ERC2: variants seen among roughly 807,000 people sequenced by gnomAD.
ERC2 encodes the protein ELKS/RAB6-interacting/CAST family member 2, also known as ERC protein 2.
A neutral mutation model predicts 114.8 loss-of-function variants in ERC2; 42 were observed. The observed-to-expected ratio is 0.37, with a 90% confidence interval of 0.29 to 0.47. ERC2 has a LOEUF of 0.47. ERC2 is among the 20% of genes least tolerant of loss of function. The pLI is 0.99. For synonymous variants in ERC2, 454 were observed against 425.5 expected (o/e 1.07, Z -0.82); for missense variants, 939 against 1,150.7 (o/e 0.82, Z 2.66).
At chr3:55,611,175 G>A (rs1318065272) in intron 17 of ERC2, among the ~76,000 whole-genome samples, 1 of 152,256 alleles carries the variant, frequency 6.6e-6, no homozygotes, top group Non-Finnish European at 1.5e-5. Flanking sequence ...GCTTTCAAAT[G>A]CCAGCAGTAA....
chr3:56,230,768 A>G (rs2050568331), intron 3 of ERC2, among the ~76,000 whole-genome samples: 1 of 152,242 alleles, frequency 6.6e-6, no homozygotes, highest in South Asian at 2.1e-4. Flanking sequence ...AGAGTAGGAG[A>G]AAAAGATAAA....
At chr3:55,938,500 C>T (rs1298528295) in intron 13 of ERC2, among the ~76,000 whole-genome samples, 1 of 152,136 alleles carries the variant, frequency 6.6e-6, no homozygotes, top group Non-Finnish European at 1.5e-5. Flanking sequence ...AGGAAAATAA[C>T]CTTGCAAGAT....
At chr3:56,350,667 T>A (rs771080132) in intron 2 of ERC2, among the ~76,000 whole-genome samples, 1 of 152,016 alleles carries the variant, frequency 6.6e-6, no homozygotes, top group African/African-American at 2.4e-5. Context: ...AAAGAAGGCC[T>A]TCAAGGGACA....
At chr3:56,138,499 T>G (rs2080656525) in intron 6 of ERC2, among the ~76,000 whole-genome samples, 1 of 152,202 alleles carries the variant, frequency 6.6e-6, no homozygotes, top group African/African-American at 2.4e-5. Flanking sequence ...CTAAGACCTA[T>G]CCAATCCAGA....
intron 2 of ERC2, among the ~76,000 whole-genome samples, chr3:56,391,499 G>C (rs1308907333): frequency 6.6e-6 from 1 of 152,148 alleles, no homozygotes; most frequent in Admixed American, 6.5e-5. Context: ...AAATGGTTAA[G>C]GGGTTAAGGA....
chr3:55,914,275 C>G (rs527622282), intron 13 of ERC2, among the ~76,000 whole-genome samples: 17 of 152,198 alleles, frequency 1.1e-4, no homozygotes, highest in African/African-American at 3.9e-4. Flanking sequence ...GCTCCCAAAC[C>G]CTTTCTGTTC....
chr3:56,069,972 T>C (rs1260504647), intron 7 of ERC2, among the ~76,000 whole-genome samples: 1 of 152,108 alleles, frequency 6.6e-6, no homozygotes, highest in African/African-American at 2.4e-5. Flanking sequence ...AGTAGAAAAA[T>C]GCTATTACCC....
At chr3:55,644,472 C>G (rs1426325636) in intron 17 of ERC2, among the ~76,000 whole-genome samples, 2 of 152,124 alleles carry the variant, frequency 1.3e-5, no homozygotes, top group African/African-American at 4.8e-5. Flanking sequence ...GGACCAAGCA[C>G]TTATTAACCT....
At position 55,872,345 on chromosome 3, in the gene ERC2, T is replaced by C. The variant is rs116384407; in HGVS notation, c.2564+16044A>G. 9.1e-3 allele frequency among the ~76,000 whole-genome samples: 1,385 copies of C among 152,278 alleles called. 19 individuals carry two copies. Among genetic ancestry groups the C allele is most frequent in the African/African-American group, 0.032 (1,330 of 41,566 alleles). On this transcript the variant is annotated intron_variant, in intron 14 of 17. Coordinates refer to ENST00000288221, the MANE Select transcript of ERC2 (RefSeq NM_015576.3). Reference sequence around the variant, plus strand: ...TATCCGCATGGATGCCAGGCTTCCATGCAGGCTTCTCATGGCAATTTCTAA... The same window carrying C: ...TATCCGCATGGATGCCAGGCTTCCACGCAGGCTTCTCATGGCAATTTCTAA...
intron 17 of ERC2, among the ~76,000 whole-genome samples, chr3:55,516,691 T>C (rs1475834807): frequency 3.3e-5 from 5 of 152,220 alleles, no homozygotes; most frequent in African/African-American, 1.2e-4. Flanking sequence ...CATAACGTTT[T>C]AAATGAAGGG....
chr3:56,219,782 T>C (rs1219797692), intron 3 of ERC2, among the ~76,000 whole-genome samples: 7 of 151,874 alleles, frequency 4.6e-5, no homozygotes, highest in African/African-American at 1.2e-4. Context: ...TGCTCCCTAC[T>C]TCCAGAGATA....
chr3:56,305,593 A>G (rs907147513), intron 2 of ERC2, among the ~76,000 whole-genome samples: 8 of 152,114 alleles, frequency 5.3e-5, no homozygotes, highest in Admixed American at 5.2e-4. Context: ...AATAAATAAC[A>G]ATAGCAAGTA....
chr3:56,155,844 A>G (rs1344982762), intron 4 of ERC2, among the ~76,000 whole-genome samples: 1 of 152,200 alleles, frequency 6.6e-6, no homozygotes, highest in African/African-American at 2.4e-5. Flanking sequence ...AACAGAATGA[A>G]TACAGAGCAT....
chr3:56,453,054 T>C (rs1260474733), intron 1 of ERC2, among the ~76,000 whole-genome samples: 1 of 152,242 alleles, frequency 6.6e-6, no homozygotes, highest in Non-Finnish European at 1.5e-5. Flanking sequence ...AAAAAAACTT[T>C]GCACATGCAA....
intron 7 of ERC2, among the ~76,000 whole-genome samples, chr3:56,060,040 G>C (rs1004397385): frequency 6.6e-6 from 1 of 152,160 alleles, no homozygotes; most frequent in Admixed American, 6.5e-5. Flanking sequence ...TGACTAATGA[G>C]TTAAGTAAAA....
intron 12 of ERC2, among the ~76,000 whole-genome samples, chr3:55,955,878 A>G (rs1559929420): frequency 6.6e-6 from 1 of 152,226 alleles, no homozygotes; most frequent in Non-Finnish European, 1.5e-5. Context: ...CTGGGCTCCC[A>G]TCAGAAGTCT....
chr3:56,340,574 G>GTGTGTT (rs2058050262), intron 2 of ERC2, among the ~76,000 whole-genome samples: 1 of 150,698 alleles, frequency 6.6e-6, no homozygotes, highest in Non-Finnish European at 1.5e-5. Context: ...GTGTGTGTGT[G>GTGTGTT]TGTGTTTAAT....
chr3:56,317,309 C>T (rs1477666621), intron 2 of ERC2, among the ~76,000 whole-genome samples: 1 of 152,116 alleles, frequency 6.6e-6, no homozygotes, highest in Non-Finnish European at 1.5e-5. Context: ...TTTTTAAATG[C>T]ATGGCATCTT....
chr3:55,836,216 T>C (rs2060876824), intron 14 of ERC2, among the ~76,000 whole-genome samples: 1 of 152,000 alleles, frequency 6.6e-6, no homozygotes. Context: ...CCCCATCAAG[T>C]TAACAATGAC....
Sources: gnomAD v4.1 joint callset for allele counts (sites outside exome capture counted in the v4.1 genomes callset) on GRCh38, gnomAD v4.1.1 for gene constraint, MANE v1.5 for transcripts, NCBI Gene and HGNC (gene_info 2026-07-23, HGNC 2026-07-21) for gene names.